The following PREX2 variants were observed in gnomAD, a reference collection of about 807,000 sequenced individuals.
The protein encoded by PREX2 is phosphatidylinositol-3,4,5-trisphosphate dependent Rac exchange factor 2.
Under a neutral mutation model 203.2 loss-of-function variants are expected in PREX2, and 107 were observed. The ratio of observed to expected loss-of-function variants is 0.53; its 90% CI spans 0.45 to 0.62. The LOEUF is 0.62. Ranked by LOEUF, PREX2 falls within the 20% of genes least tolerant of loss-of-function variation. The pLI is 0.00. For missense variants in PREX2, 1,777 were observed against 1,955.9 expected (o/e 0.91, Z 1.72); for synonymous variants, 672 against 663.6 (o/e 1.01, Z -0.19).
At chr8:68,047,486 T>TATATATATATACAC (rs1042254439) in intron 8 of PREX2, among the ~76,000 whole-genome samples, 2 of 103,562 alleles carry the variant, frequency 1.9e-5, no homozygotes, top group African/African-American at 1.3e-4. Flanking sequence ...TATATATATA[T>TATATATATATACAC]ATATATATAT....
intron 1 of PREX2, among the ~76,000 whole-genome samples, chr8:67,986,854 C>G (rs1362539536): frequency 6.6e-6 from 1 of 152,006 alleles, no homozygotes; most frequent in African/African-American, 2.4e-5. Context: ...GAAAACCAAA[C>G]TTAAAGATGT....
At position 68,154,547 on chromosome 8, in the gene PREX2, A is replaced by G. The variant is rs1168788986; in HGVS notation, c.4232-2775A>G. On this transcript the variant is annotated intron_variant, in intron 34 of 39. Transcript: ENST00000288368. ...TTGACAGACTGAATCCTCCTGGGATATTTACCTTTCCTAAATAGCAGCTTG... is the reference window on the plus strand; with the variant it reads ...TTGACAGACTGAATCCTCCTGGGATGTTTACCTTTCCTAAATAGCAGCTTG... 3.9e-5 allele frequency among the ~76,000 whole-genome samples: 6 copies of G among 152,184 alleles called. No homozygotes were observed. The East Asian group carries it at 1.2e-3, about 29-fold the overall frequency.
At chr8:68,156,810 T>A (rs942148928) in intron 34 of PREX2, among the ~76,000 whole-genome samples, 2 of 152,190 alleles carry the variant, frequency 1.3e-5, no homozygotes, top group Non-Finnish European at 2.9e-5. Context: ...CTATCTGTGA[T>A]CATCTTCCTT....
At chr8:68,077,300 T>G (rs1346233770) in intron 14 of PREX2, 97 bp from the exon 15 acceptor site, 1 of 837,538 alleles carries the variant, frequency 1.2e-6, no homozygotes, top group Admixed American at 1.7e-5. Context: ...TAAGCGAAGC[T>G]TTGTCTGAAT....
chr8:68,212,208 C>T (rs947255298), intron 37 of PREX2, among the ~76,000 whole-genome samples: 1 of 152,182 alleles, frequency 6.6e-6, no homozygotes, highest in African/African-American at 2.4e-5. Flanking sequence ...ACTTAACTCT[C>T]CTTGAAATGG....
At chr8:68,119,087 A>G (rs1056116006) in intron 27 of PREX2, among the ~76,000 whole-genome samples, 14 of 152,204 alleles carry the variant, frequency 9.2e-5, no homozygotes, top group African/African-American at 3.1e-4. Flanking sequence ...TCTTATAAAT[A>G]TATTATCTTG....
intron 37 of PREX2, among the ~76,000 whole-genome samples, chr8:68,193,268 A>T (rs1812331888): frequency 6.6e-6 from 1 of 152,142 alleles, no homozygotes; most frequent in South Asian, 2.1e-4. Context: ...CCTTGTTTTA[A>T]CCTAAGTAGG....
intron 26 of PREX2, among the ~76,000 whole-genome samples, chr8:68,117,119 C>T (rs1810675139): frequency 1.3e-5 from 2 of 152,192 alleles, no homozygotes; most frequent in African/African-American, 2.4e-5. Flanking sequence ...TCAAAGTTCT[C>T]ATCAGAGTAT....
intron 23 of PREX2, among the ~76,000 whole-genome samples, chr8:68,104,590 C>T (rs1227965377): frequency 1.3e-5 from 2 of 152,172 alleles, no homozygotes; most frequent in Non-Finnish European, 2.9e-5. Flanking sequence ...TTCTTCAGTT[C>T]ACCTCTGAAA....
At chr8:68,079,364 C>T (rs1357119312) in intron 15 of PREX2, among the ~76,000 whole-genome samples, 1 of 152,192 alleles carries the variant, frequency 6.6e-6, no homozygotes, top group Non-Finnish European at 1.5e-5. Flanking sequence ...ATAGCTATCC[C>T]TTTTGACTGC....
chr8:68,012,225 A>C (rs375503967), intron 1 of PREX2, among the ~76,000 whole-genome samples: 1 of 152,200 alleles, frequency 6.6e-6, no homozygotes, highest in Non-Finnish European at 1.5e-5. Flanking sequence ...ATACACTATA[A>C]CAATGTGGTA....
At chr8:68,108,699 G>A (rs1810470106) in intron 24 of PREX2, among the ~76,000 whole-genome samples, 1 of 152,134 alleles carries the variant, frequency 6.6e-6, no homozygotes, top group African/African-American at 2.4e-5. Context: ...ATCACAGTAG[G>A]ACAAGGGATC....
chr8:68,118,687 C>A, intron 27 of PREX2, 43 bp downstream of exon 27: 1 of 1,313,300 alleles, frequency 7.6e-7, no homozygotes, highest in South Asian at 1.2e-5. Flanking sequence ...TGATATTAGT[C>A]CTATAGGAGA....
In PREX2 at chr8:68,055,846, G is replaced by A; in HGVS notation, c.1110G>A (p.Met370Ile). 3 of 1,611,390 alleles carry A rather than the reference G, an allele frequency of 1.9e-6. No homozygotes were observed. The highest frequency in any genetic ancestry group is 2.5e-6 in the Non-Finnish European group (3 of 1,179,334). The change falls in exon 10 of 40, where the codon ATG (methionine) becomes ATA (isoleucine). Residue 370 changes from methionine (M) to isoleucine (I), a missense_variant. Physicochemically the swap from Met to Ile is conservative, Grantham distance 10. Coordinates refer to ENST00000288368, the MANE Select transcript of PREX2 (RefSeq NM_024870.4). ...RERRKGLKLG[M>I]EQDTWVMISE... ...TTTTGATAGGTTTAAAATTAGGAAT[G>A]GAGCAAGATACCTGGGTCATGATCT...
intron 6 of PREX2, among the ~76,000 whole-genome samples, 183 bp from the exon 7 acceptor site, chr8:68,037,976 C>T (rs115075438): frequency 0.012 from 1,751 of 152,148 alleles, 17 homozygotes; most frequent in African/African-American, 0.029. Flanking sequence ...TCAGACTGAT[C>T]GGGGGAAACT....
At chr8:68,198,026 A>G (rs1812432754) in intron 37 of PREX2, among the ~76,000 whole-genome samples, 1 of 152,014 alleles carries the variant, frequency 6.6e-6, no homozygotes, top group South Asian at 2.1e-4. Flanking sequence ...AAAAGAAAAA[A>G]GCCAAACGCT....
At chr8:68,130,872 G>A (rs538179958) in intron 31 of PREX2, among the ~76,000 whole-genome samples, 2 of 152,168 alleles carry the variant, frequency 1.3e-5, no homozygotes, top group Non-Finnish European at 2.9e-5. Flanking sequence ...TACTTCCTTG[G>A]GGAGAGGGGA....
chr8:68,112,801 T>C (rs1810560849), intron 25 of PREX2, among the ~76,000 whole-genome samples: 1 of 152,106 alleles, frequency 6.6e-6, no homozygotes, highest in South Asian at 2.1e-4. Context: ...CTACCCCACC[T>C]CTAAAATGGG....
chr8:68,067,923 G>A (rs2129611523), intron 11 of PREX2, among the ~76,000 whole-genome samples: 1 of 152,124 alleles, frequency 6.6e-6, no homozygotes. Context: ...CATTATGAAA[G>A]GATGTTGAAT....
Sources: allele counts gnomAD v4.1 joint callset (sites outside exome capture counted in the v4.1 genomes callset), GRCh38; gene constraint gnomAD v4.1.1; transcripts MANE v1.5; gene names NCBI Gene and HGNC (gene_info 2026-07-23, HGNC 2026-07-21).